WDPCP: variants seen among roughly 807,000 people sequenced by gnomAD.
The protein encoded by WDPCP is WD repeat containing planar cell polarity effector, also known as WD repeat-containing and planar cell polarity effector protein fritz homolog.
Under a neutral mutation model 93.1 loss-of-function variants are expected in WDPCP, and 71 were observed. That is an observed-to-expected ratio of 0.76 (90% CI 0.63 to 0.93). The LOEUF (loss-of-function observed/expected upper bound fraction) is 0.93, where lower values mean the gene tolerates loss of function less well. WDPCP is among the 40% of genes least tolerant of loss of function. The pLI is 0.00. For synonymous variants in WDPCP, 315 were observed against 315.0 expected (o/e 1.00, Z 0.00); for missense variants, 844 against 887.4 (o/e 0.95, Z 0.62).
intron 13 of WDPCP, among the ~76,000 whole-genome samples, chr2:63,302,466 C>G (rs549770102): frequency 6.6e-6 from 1 of 152,134 alleles, no homozygotes; most frequent in Non-Finnish European, 1.5e-5. Context: ...AATGGCTTCT[C>G]TTTTATAATG....
At chr2:63,593,074 G>A (rs1245148390), upstream of WDPCP, 1 of 152,842 alleles carries the variant, frequency 6.5e-6, no homozygotes, top group African/African-American at 2.4e-5. Flanking sequence ...TACACCAGTT[G>A]ACACTTTTTG....
At chr2:63,593,956 T>G (rs535644577) in intron 3 of WDPCP, among the ~76,000 whole-genome samples, 90 of 152,366 alleles carry the variant, frequency 5.9e-4, no homozygotes, top group Non-Finnish European at 1.1e-3. Flanking sequence ...CAGCTGTCTG[T>G]CACTACATGT....
At chr2:63,266,589 C>T (rs974635317) in intron 13 of WDPCP, among the ~76,000 whole-genome samples, 14 of 152,102 alleles carry the variant, frequency 9.2e-5, no homozygotes, top group Non-Finnish European at 1.8e-4. Flanking sequence ...GGGTGGATCA[C>T]GAGGTCAGGA....
chr2:63,602,934 C>CTTTTGTTT (rs1709452776), intron 3 of WDPCP, among the ~76,000 whole-genome samples: 11 of 131,622 alleles, frequency 8.4e-5, no homozygotes, highest in Non-Finnish European at 1.0e-4. Context: ...TTTAACCGTT[C>CTTTTGTTT]TTTTTTTTTT....
chr2:63,711,104 G>A (rs1669255534), intron 2 of WDPCP, among the ~76,000 whole-genome samples: 1 of 152,164 alleles, frequency 6.6e-6, no homozygotes, highest in Non-Finnish European at 1.5e-5. Context: ...CCAAAAAGCA[G>A]GAATCATTAT....
chr2:63,449,019 CA>C (rs1201462364), intron 6 of WDPCP, among the ~76,000 whole-genome samples: 2 of 149,760 alleles, frequency 1.3e-5, no homozygotes, highest in Admixed American at 6.6e-5. Context: ...GTACTCACCA[CA>C]AAAAAAAATG....
At chr2:63,268,501 C>G (rs1192406390) in intron 13 of WDPCP, among the ~76,000 whole-genome samples, 2 of 152,150 alleles carry the variant, frequency 1.3e-5, no homozygotes, top group African/African-American at 4.8e-5. Context: ...GGATCTCACT[C>G]TGTCACCCAG....
At chr2:63,612,879 GTTATTTTTT>G (rs1199544348) in intron 3 of WDPCP, among the ~76,000 whole-genome samples, 2 of 150,566 alleles carry the variant, frequency 1.3e-5, no homozygotes, top group Admixed American at 1.3e-4. Flanking sequence ...GGGGAAAAAT[GTTATTTTTT>G]TCTCCCCATA....
intron 1 of WDPCP, among the ~76,000 whole-genome samples, chr2:63,507,535 C>A (rs1427558532): frequency 6.6e-6 from 1 of 151,522 alleles, no homozygotes; most frequent in African/African-American, 2.4e-5. Flanking sequence ...CCCAAGAAGG[C>A]GGATGATATA....
At chr2:63,549,367 C>T (rs1267718540) in intron 1 of WDPCP, among the ~76,000 whole-genome samples, 1 of 151,350 alleles carries the variant, frequency 6.6e-6, no homozygotes, top group Non-Finnish European at 1.5e-5. Context: ...ATAAAATTAG[C>T]AGAATTAATG....
At chr2:63,620,186 C>A (rs1199962155) in intron 3 of WDPCP, among the ~76,000 whole-genome samples, 2 of 152,160 alleles carry the variant, frequency 1.3e-5, no homozygotes, top group Non-Finnish European at 2.9e-5. Flanking sequence ...GTTCACCCCC[C>A]TGGAAAGGGG....
intron 13 of WDPCP, among the ~76,000 whole-genome samples, chr2:63,290,099 T>G (rs1278465668): frequency 6.6e-6 from 1 of 152,036 alleles, no homozygotes; most frequent in Non-Finnish European, 1.5e-5. Flanking sequence ...TCGTTATTTA[T>G]TAATATATTT....
intron 6 of WDPCP, among the ~76,000 whole-genome samples, chr2:63,474,737 G>A (rs192782249): frequency 1.9e-3 from 292 of 152,162 alleles, no homozygotes; most frequent in Middle Eastern, 3.4e-3. Context: ...TTGGGTTCAC[G>A]TGTTTATTTT....
Position 63,241,865 on chromosome 2 carries a change from G to C in WDPCP, c.1915+17442C>G, listed in dbSNP as rs545692911. ...CCTGCCTCAGCCTCTGCAAGTGCTG[G>C]GATGACATGTGTGAGCCACTGCACC... On this transcript the variant is annotated intron_variant, in intron 14 of 17. Transcript: ENST00000272321. Among the ~76,000 whole-genome samples the C allele has an allele frequency of 3.7e-4, 57 of 152,200 alleles. No individual in the cohort carries two copies. The South Asian group carries it at 3.9e-3, about 11-fold the overall frequency.
intron 2 of WDPCP, among the ~76,000 whole-genome samples, chr2:63,708,959 G>A (rs1025466558): frequency 7.6e-5 from 11 of 144,134 alleles, no homozygotes; most frequent in South Asian, 4.9e-4. Context: ...GGGCACTCAC[G>A]CCTGTAATCC....
At chr2:63,599,391 T>G in intron 3 of WDPCP, 1 of 1,290,796 alleles carries the variant, frequency 7.7e-7, no homozygotes, top group South Asian at 1.6e-5. Context: ...TTTTTTCTTG[T>G]TTTTGTTTAG....
chr2:63,471,799 G>T (rs534970239), intron 6 of WDPCP, among the ~76,000 whole-genome samples: 178 of 152,162 alleles, frequency 1.2e-3, no homozygotes, highest in Admixed American at 3.1e-3. Flanking sequence ...ACTGTTTCTT[G>T]ATTCCTAAGA....
intron 2 of WDPCP, among the ~76,000 whole-genome samples, chr2:63,659,221 A>G (rs960366018): frequency 6.6e-6 from 1 of 152,240 alleles, no homozygotes; most frequent in Non-Finnish European, 1.5e-5. Flanking sequence ...ACCACGTTTA[A>G]CTGGAAGTTT....
At chr2:63,526,474 G>T (rs1703345621) in intron 1 of WDPCP, among the ~76,000 whole-genome samples, 1 of 152,146 alleles carries the variant, frequency 6.6e-6, no homozygotes, top group Non-Finnish European at 1.5e-5. Context: ...AAAGATACAG[G>T]GGAGTAACAA....
Sources: allele counts gnomAD v4.1 joint callset (sites outside exome capture counted in the v4.1 genomes callset), GRCh38; gene constraint gnomAD v4.1.1; transcripts MANE v1.5; gene names NCBI Gene and HGNC (gene_info 2026-07-23, HGNC 2026-07-21).